MEP1B: variants seen among roughly 807,000 people sequenced by gnomAD.
The protein encoded by MEP1B is meprin A subunit beta.
In MEP1B, 80 loss-of-function variants were observed where a neutral mutation model predicts 84.6. The ratio of observed to expected loss-of-function variants is 0.95; its 90% confidence interval spans 0.79 to 1.14. MEP1B has a LOEUF of 1.14. Ranked by LOEUF, MEP1B falls within the 50% of genes most tolerant of loss-of-function variation. MEP1B has a pLI of 0.00. For synonymous variants in MEP1B, 273 were observed against 288.1 expected (o/e 0.95, Z 0.53); for missense variants, 766 against 855.1 (o/e 0.90, Z 1.30).
At chr18:32,192,018 T>A (rs567211069) in intron 2 of MEP1B, among the ~76,000 whole-genome samples, 178 bp downstream of exon 2, 10 of 152,184 alleles carry the variant, frequency 6.6e-5, no homozygotes, top group South Asian at 6.2e-4. Context: ...AGGCTTCATA[T>A]GCCCAGCAAA....
chr18:32,207,194 G>A, intron 7 of MEP1B, 58 bp from the exon 8 acceptor site: 1 of 1,161,290 alleles, frequency 8.6e-7, no homozygotes, highest in Non-Finnish European at 1.3e-6. Flanking sequence ...GCAGTATTTG[G>A]AGTAAGATAA....
chr18:32,206,056 A>C (rs958363038), intron 7 of MEP1B, among the ~76,000 whole-genome samples: 20 of 152,068 alleles, frequency 1.3e-4, no homozygotes, highest in Non-Finnish European at 2.6e-4. Flanking sequence ...ATCTTGGCTC[A>C]CTGCAACCTC....
chr18:32,217,739 G>C (rs570821944), intron 13 of MEP1B, 22 bp from the exon 14 acceptor site: 2 of 1,597,294 alleles, frequency 1.3e-6, no homozygotes, highest in East Asian at 4.5e-5. Flanking sequence ...TAATAACTCT[G>C]AGTCATGCTC....
intron 5 of MEP1B, among the ~76,000 whole-genome samples, chr18:32,198,327 T>C (rs1031638144): frequency 5.3e-5 from 8 of 152,230 alleles, no homozygotes; most frequent in Non-Finnish European, 8.8e-5. Flanking sequence ...ATTAATGATG[T>C]AGAGCTGCTT....
intron 5 of MEP1B, among the ~76,000 whole-genome samples, chr18:32,198,223 A>G (rs2040875423): frequency 6.6e-6 from 1 of 152,198 alleles, no homozygotes; most frequent in Admixed American, 6.5e-5. Flanking sequence ...ACACCGTACA[A>G]CTGACATGAC....
At chr18:32,203,730 G>A (rs1356762570) in intron 6 of MEP1B, among the ~76,000 whole-genome samples, 1 of 152,170 alleles carries the variant, frequency 6.6e-6, no homozygotes, top group African/African-American at 2.4e-5. Flanking sequence ...AGGAAGCATG[G>A]TGTTGACATC....
chr18:32,212,425 C>A (rs1267953353), intron 10 of MEP1B, among the ~76,000 whole-genome samples: 1 of 152,160 alleles, frequency 6.6e-6, no homozygotes, highest in Non-Finnish European at 1.5e-5. Flanking sequence ...ATTTAGTATA[C>A]TGCTTCTTAT....
rs764363589 is a variant in MEP1B, at chr18:32,215,156, A to T, written c.1654A>T (p.Arg552Ter). ...VALFSNGTQFRRGGGYGTSAF... is the reference protein window; with the variant it reads ...VALFSNGTQF ...TTTGTTCTCTAATGGAACTCAGTTTAGAAGAGGTGGGGGCTATGGAACCAG... is the reference window on the plus strand; with the variant it reads ...TTTGTTCTCTAATGGAACTCAGTTTTGAAGAGGTGGGGGCTATGGAACCAG... Residue 552 changes from arginine to a stop codon, truncating the protein, a stop_gained, in exon 12 of 15, where the codon AGA becomes TGA. Transcript: ENST00000269202. LOFTEE classifies it high-confidence loss of function. 2.9e-5 allele frequency: 46 copies of T among 1,610,548 alleles called. No individual in the cohort carries two copies. The highest frequency in any genetic ancestry group is 3.7e-5 in the Non-Finnish European group (44 of 1,177,682).
chr18:32,201,856 T>G (rs1050933962), intron 5 of MEP1B, among the ~76,000 whole-genome samples: 2 of 152,184 alleles, frequency 1.3e-5, no homozygotes, highest in African/African-American at 2.4e-5. Context: ...TAGACCTGCC[T>G]CAACAGAGGC....
At chr18:32,192,607 A>T in intron 2 of MEP1B, 39 bp from the exon 3 acceptor site, 1 of 1,592,380 alleles carries the variant, frequency 6.3e-7, no homozygotes, top group Non-Finnish European at 8.6e-7. Flanking sequence ...TTTTATAAAC[A>T]TAATGTTCAA....
intron 7 of MEP1B, 75 bp downstream of exon 7, chr18:32,204,435 T>G: frequency 8.0e-7 from 1 of 1,249,444 alleles, no homozygotes; most frequent in Non-Finnish European, 1.1e-6. Flanking sequence ...TTGTCATCTG[T>G]GGCAACTGTT....
chr18:32,204,440 A>G, intron 7 of MEP1B, 80 bp downstream of exon 7: 1 of 1,225,884 alleles, frequency 8.2e-7, no homozygotes, highest in Non-Finnish European at 1.1e-6. Flanking sequence ...ATCTGTGGCA[A>G]CTGTTAATAA....
rs975620270 is a variant in MEP1B at position 32,207,336 on chromosome 18, A to G, written c.632A>G (p.Tyr211Cys). ...VPYDYTSVMH[Y>C]SKTAFQNGTE... ...TATGATTACACTTCAGTAATGCACT[A>G]CAGTAAAACTGCATTCCAAAATGGA... Residue 211 changes from tyrosine to cysteine, a missense_variant, in exon 8 of 15, where the codon TAC (tyrosine) becomes TGC (cysteine). By Grantham distance (194) the Tyr-to-Cys change is radical. Transcript: ENST00000269202. 1 of 1,612,010 alleles carries G rather than the reference A, an allele frequency of 6.2e-7. No individual in the cohort carries two copies. The highest frequency in any genetic ancestry group is 1.3e-5 in the African/African-American group (1 of 75,028).
chr18:32,218,003 TG>T (rs750290529), intron 14 of MEP1B, 38 bp downstream of exon 14: 1 of 1,591,956 alleles, frequency 6.3e-7, no homozygotes, highest in Non-Finnish European at 8.6e-7. Context: ...CATAACCTAT[TG>T]GTGAAATCTT....
At chr18:32,216,636 T>C (rs2041092297) in intron 12 of MEP1B, among the ~76,000 whole-genome samples, 1 of 152,200 alleles carries the variant, frequency 6.6e-6, no homozygotes, top group Admixed American at 6.5e-5. Flanking sequence ...CTGGCCTAGT[T>C]TCCCTTTGCC....
chr18:32,193,733 A>G (rs1158116247), intron 4 of MEP1B, among the ~76,000 whole-genome samples: 1 of 152,100 alleles, frequency 6.6e-6, no homozygotes, highest in Non-Finnish European at 1.5e-5. Flanking sequence ...TACTTCCTAT[A>G]TCGTAAGCAC....
At chr18:32,206,515 G>A (rs1244123140) in intron 7 of MEP1B, among the ~76,000 whole-genome samples, 2 of 149,890 alleles carry the variant, frequency 1.3e-5, no homozygotes, top group East Asian at 2.0e-4. Flanking sequence ...CTGCAGGCTC[G>A]ACTTCCCAGG....
In MEP1B at chr18:32,198,775, T is replaced by C. The variant is rs116498672; in HGVS notation, c.250+3290T>C. On this transcript the variant is annotated intron_variant, in intron 5 of 14. Coordinates refer to ENST00000269202, the MANE Select transcript of MEP1B (RefSeq NM_005925.3). ...TATTGTGGAAGTGAGATTGTTAAAATTGCAGTTTAAAATAATCACTTGGGT... is the reference window on the plus strand; with the variant it reads ...TATTGTGGAAGTGAGATTGTTAAAACTGCAGTTTAAAATAATCACTTGGGT... Among the ~76,000 whole-genome samples the C allele has an allele frequency of 3.6e-3, 549 of 152,216 alleles. 5 individuals carry two copies. The highest frequency in any genetic ancestry group is 0.013 in the African/African-American group (521 of 41,528).
intron 12 of MEP1B, 88 bp downstream of exon 12, chr18:32,215,349 T>G (rs2041072693): frequency 1.2e-6 from 1 of 813,980 alleles, no homozygotes; most frequent in South Asian, 2.1e-5. Context: ...GCATTCCACT[T>G]TTAGATGTAT....
Sources: gnomAD v4.1 joint callset for allele counts (sites outside exome capture counted in the v4.1 genomes callset) on GRCh38, gnomAD v4.1.1 for gene constraint, MANE v1.5 for transcripts, NCBI Gene and HGNC (gene_info 2026-07-23, HGNC 2026-07-21) for gene names.